The following TUBB8B variants were observed in gnomAD, a reference collection of about 807,000 sequenced individuals.
TUBB8B encodes the protein tubulin beta 8B.
A neutral mutation model predicts 31.9 loss-of-function variants in TUBB8B; 26 were observed. That is an observed-to-expected ratio of 0.81 (90% CI 0.60 to 1.13). TUBB8B has a LOEUF of 1.13. TUBB8B is among the 50% of genes most tolerant of loss of function. The pLI, the probability that TUBB8B is intolerant of heterozygous loss-of-function variation, is 0.00. For missense variants in TUBB8B, 467 were observed against 586.7 expected (o/e 0.80, Z 2.11); for synonymous variants, 173 against 231.0 (o/e 0.75, Z 2.28).
chr18:60,755 G>C, the TUBB8B span, among the ~76,000 whole-genome samples: 2 of 151,676 alleles, frequency 1.3e-5, no homozygotes, highest in East Asian at 3.9e-4. Flanking sequence ...TAATGTCCAA[G>C]TGTTTGTATA....
Position 47,729 on chromosome 18 carries a change from G to A in TUBB8B, c.996C>T (p.Asn332=). The A allele has an allele frequency of 2.5e-6, 4 of 1,610,958 alleles. No homozygotes were observed. The highest frequency in any genetic ancestry group is 1.1e-5 in the South Asian group (1 of 90,976). Residue 332 remains asparagine (N), a synonymous_variant, in exon 4 of 4, where the codon AAC becomes AAT. Coordinates refer to ENST00000308911, the MANE Select transcript of TUBB8B (RefSeq NM_001358689.2). The part of the protein sequence containing the change: ...PMREVDEQMF[N]IQDKNSSYFA... The stretch of plus-strand genomic sequence containing the variant: ...AGTAGCTGCTGTTCTTATCTTGAAT[G>A]TTGAACATTTGTTCATCCACCTCCC...
upstream of TUBB8B, among the ~76,000 whole-genome samples, chr18:53,794 A>T (rs1730498881): frequency 6.6e-6 from 1 of 152,004 alleles, no homozygotes; most frequent in Admixed American, 6.6e-5. Context: ...AATAATTCTG[A>T]TTTCCTGCTG....
chr18:69,274 G>A, the TUBB8B span, among the ~76,000 whole-genome samples: 2 of 152,108 alleles, frequency 1.3e-5, no homozygotes, highest in Non-Finnish European at 2.9e-5. Flanking sequence ...GCCAGCCTGG[G>A]CAAGATGGCA....
chr18:49,363 T>G, intron 1 of TUBB8B, 126 bp from the exon 2 acceptor site: 1 of 586,098 alleles, frequency 1.7e-6, no homozygotes, highest in Non-Finnish European at 2.6e-6. Flanking sequence ...CCCAGCCGCC[T>G]CGCCAGCCAC....
Position 48,041 on chromosome 18 carries a change from C to G in TUBB8B, c.684G>C (p.Leu228=). The G allele has an allele frequency of 6.2e-7, 1 of 1,613,146 alleles. No individual in the cohort carries two copies. Among genetic ancestry groups the G allele is most frequent in the East Asian group, 2.2e-5 (1 of 44,870 alleles). Residue 228 remains leucine (L), a synonymous_variant, in exon 4 of 4, where the codon CTG becomes CTC. Coordinates refer to ENST00000308911, the MANE Select transcript of TUBB8B (RefSeq NM_001358689.2). ...TGACCCCACTCATGGTAGCAGACAC[C>G]AGGTGGTTCAGGTCACCATAGGTGG... The part of the protein sequence containing the change: ...PTPTYGDLNH[L]VSATMSGVTT...
chr18:63,317 C>A, the TUBB8B span, among the ~76,000 whole-genome samples: 1 of 151,734 alleles, frequency 6.6e-6, no homozygotes, highest in Non-Finnish European at 1.5e-5. Flanking sequence ...GGTCCCAAGC[C>A]CAAAAGCACA....
upstream of TUBB8B, among the ~76,000 whole-genome samples, chr18:50,948 G>T (rs1463626837): frequency 6.6e-6 from 1 of 151,740 alleles, no homozygotes; most frequent in Non-Finnish European, 1.5e-5. Flanking sequence ...AAAGCCCTTT[G>T]GGGTCAGGAG....
Position 48,008 on chromosome 18 carries a change from G to T in TUBB8B, c.717C>A (p.Cys239Ter), listed in dbSNP as rs1341479444. The stretch of plus-strand genomic sequence containing the variant: ...CATTCAGCTGGCCTGGGAAGCGCAG[G>T]CATGTGGTGACCCCACTCATGGTAG... The part of the protein sequence containing the change: ...VSATMSGVTT[C>*]LRFPGQLNAD... The change falls in exon 4 of 4, where the codon TGC becomes TGA. Residue 239 changes from cysteine to a stop codon, truncating the protein, a stop_gained. Coordinates refer to ENST00000308911, the MANE Select transcript of TUBB8B (RefSeq NM_001358689.2). LOFTEE classifies it high-confidence loss of function. 2.5e-6 allele frequency: 4 copies of T among 1,612,414 alleles called. No homozygotes were observed. In the South Asian group the frequency reaches 4.4e-5, roughly 18 times the overall value.
the TUBB8B span, among the ~76,000 whole-genome samples, chr18:65,987 G>C: frequency 1.3e-5 from 2 of 152,162 alleles, no homozygotes. Context: ...CCAGCACTTT[G>C]AGATGCTGAG....
At chr18:70,277 A>C in the TUBB8B span, among the ~76,000 whole-genome samples, 2 of 152,222 alleles carry the variant, frequency 1.3e-5, no homozygotes, top group South Asian at 4.1e-4. Context: ...AAATAAGGAA[A>C]ATTTAAATAT....
the TUBB8B span, among the ~76,000 whole-genome samples, chr18:55,350 CA>C: frequency 6.6e-6 from 1 of 151,860 alleles, no homozygotes; most frequent in Non-Finnish European, 1.5e-5. Context: ...CCACCCGCCA[CA>C]GCCTCCCAGA....
At chr18:72,477 A>G in the TUBB8B span, among the ~76,000 whole-genome samples, 2 of 141,006 alleles carry the variant, frequency 1.4e-5, no homozygotes, top group East Asian at 3.9e-4. Flanking sequence ...CAAAAGAAAA[A>G]CTGTTGTTGA....
At chr18:48,794 G>C in intron 3 of TUBB8B, 146 bp downstream of exon 3, 2 of 727,044 alleles carry the variant, frequency 2.8e-6, no homozygotes, top group Non-Finnish European at 5.0e-6. Flanking sequence ...GCCCATTTAG[G>C]AGGCAGATGA....
chr18:51,319 T>C (rs1189933240), upstream of TUBB8B, among the ~76,000 whole-genome samples: 1 of 151,888 alleles, frequency 6.6e-6, no homozygotes, highest in Admixed American at 6.6e-5. Context: ...TCTTGAATTA[T>C]AGCTCCTATA....
the TUBB8B span, among the ~76,000 whole-genome samples, chr18:57,265 T>C: frequency 6.6e-6 from 1 of 151,790 alleles, no homozygotes; most frequent in Non-Finnish European, 1.5e-5. Flanking sequence ...AAAGCTAGTT[T>C]ATTCTTCCTA....
chr18:47,731 T>C lies in TUBB8B; in HGVS notation c.994A>G (p.Asn332Asp), dbSNP rs1225094701. ...TAGCTGCTGTTCTTATCTTGAATGTTGAACATTTGTTCATCCACCTCCCTC... is the reference window on the plus strand; with the variant it reads ...TAGCTGCTGTTCTTATCTTGAATGTCGAACATTTGTTCATCCACCTCCCTC... ...PMREVDEQMF[N>D]IQDKNSSYFA... The change falls in exon 4 of 4, where the codon AAC becomes GAC. Residue 332 changes from asparagine to aspartate, a missense_variant. Asn to Asp is a conservative substitution (Grantham distance 23). Around this residue, in one of 2 missense-constraint regions of TUBB8B, gnomAD observed 208 missense variants for 206.7 expected, o/e 1.01. Transcript: ENST00000308911. 1.4e-5 allele frequency: 22 copies of C among 1,610,946 alleles called. No individual in the cohort carries two copies. The highest frequency in any genetic ancestry group is 1.8e-5 in the Non-Finnish European group (21 of 1,178,716).
upstream of TUBB8B, among the ~76,000 whole-genome samples, chr18:51,077 A>G (rs900898791): frequency 6.6e-6 from 1 of 151,752 alleles, no homozygotes; most frequent in Non-Finnish European, 1.5e-5. Context: ...AGTTCAATTA[A>G]CTCAGCTTTT....
chr18:63,811 C>G, the TUBB8B span, among the ~76,000 whole-genome samples: 3 of 147,872 alleles, frequency 2.0e-5, no homozygotes, highest in African/African-American at 7.6e-5. Flanking sequence ...TAACCCTAAC[C>G]CCTAACCCTA....
chr18:47,446 C>T lies in TUBB8B; in HGVS notation c.1279G>A (p.Asp427Asn), dbSNP rs1421080397. The change falls in exon 4 of 4, where the codon GAT becomes AAT. Residue 427 changes from aspartate (D) to asparagine (N), a missense_variant. Physicochemically the swap from Asp to Asn is conservative, Grantham distance 23. Around this residue, in one of 2 missense-constraint regions of TUBB8B, gnomAD observed 208 missense variants for 206.7 expected, o/e 1.01. Transcript: ENST00000308911. Reference sequence around the variant, plus strand: ...TCCTCCTCCTCCTCGGCCGTGGCATCCTGATATTGCTGATATTCAGACACC... The same window carrying T: ...TCCTCCTCCTCCTCGGCCGTGGCATTCTGATATTGCTGATATTCAGACACC... ...DLVSEYQQYQ[D>N]ATAEEEEDEE... is the part of the protein sequence containing the mutation. 1 of 1,425,334 alleles carries T rather than the reference C, an allele frequency of 7.0e-7. No individual in the cohort carries two copies. The highest frequency in any genetic ancestry group is 1.7e-5 in the Admixed American group (1 of 58,780). 88.3% of individuals were successfully genotyped at this position (1,425,334 alleles called of 1,614,324 possible).
Sources: gnomAD v4.1 joint callset for allele counts (sites outside exome capture counted in the v4.1 genomes callset) on GRCh38, gnomAD v4.1.1 for gene constraint, gnomAD v4.1.1 regional missense constraint, MANE v1.5 for transcripts, NCBI Gene and HGNC (gene_info 2026-07-23, HGNC 2026-07-21) for gene names.